Variants in NIM1K observed in about 807,000 individuals in gnomAD.
The protein encoded by NIM1K is NIM1 serine/threonine protein kinase.
A neutral mutation model predicts 37.1 loss-of-function variants in NIM1K; 35 were observed. The ratio of observed to expected loss-of-function variants is 0.94; its 90% CI spans 0.72 to 1.25. The LOEUF is 1.25. Ranked by LOEUF, NIM1K falls within the 50% of genes most tolerant of loss-of-function variation. The probability of loss-of-function intolerance (pLI) is 0.00; values close to 1 mark genes in which losing one functional copy is unlikely to be tolerated. For synonymous variants in NIM1K, 234 were observed against 206.6 expected (o/e 1.13, Z -1.14); for missense variants, 564 against 548.0 (o/e 1.03, Z -0.29).
At chr5:43,221,999 T>G (rs1391410389) in intron 1 of NIM1K, among the ~76,000 whole-genome samples, 2 of 152,218 alleles carry the variant, frequency 1.3e-5, no homozygotes, top group African/African-American at 2.4e-5. Context: ...CTGTGGTTAG[T>G]GCAGATCTTG....
intron 1 of NIM1K, among the ~76,000 whole-genome samples, chr5:43,202,905 T>C (rs948183478): frequency 1.3e-5 from 2 of 152,198 alleles, no homozygotes; most frequent in African/African-American, 4.8e-5. Context: ...AAAGCCTCAC[T>C]GCCACGCTCA....
intron 1 of NIM1K, among the ~76,000 whole-genome samples, chr5:43,236,606 G>A (rs17303482): frequency 0.041 from 6,181 of 152,302 alleles, 177 homozygotes; most frequent in Middle Eastern, 0.11. Context: ...GCCTCACCAC[G>A]CCAGGCATAG....
chr5:43,263,758 A>G (rs1194253762), intron 2 of NIM1K, among the ~76,000 whole-genome samples: 1 of 152,150 alleles, frequency 6.6e-6, no homozygotes, highest in Non-Finnish European at 1.5e-5. Flanking sequence ...GTGAGCATTT[A>G]ATGCTATAAA....
At chr5:43,271,736 G>C (rs775627293) in intron 2 of NIM1K, among the ~76,000 whole-genome samples, 1 of 152,090 alleles carries the variant, frequency 6.6e-6, no homozygotes, top group Non-Finnish European at 1.5e-5. Flanking sequence ...ACATAAATAG[G>C]TTGTTATATT....
intron 1 of NIM1K, among the ~76,000 whole-genome samples, chr5:43,203,501 TC>T (rs1752064431): frequency 6.6e-6 from 1 of 152,200 alleles, no homozygotes; most frequent in African/African-American, 2.4e-5. Flanking sequence ...GCATCACTTT[TC>T]TTTTTCTGTC....
intron 1 of NIM1K, among the ~76,000 whole-genome samples, chr5:43,205,188 T>C (rs1049780192): frequency 1.3e-5 from 2 of 152,288 alleles, no homozygotes; most frequent in East Asian, 1.9e-4. Context: ...GCAAGTGGAA[T>C]TGGGTGAAAC....
At chr5:43,206,785 A>G in intron 1 of NIM1K, 2 of 767,018 alleles carry the variant, frequency 2.6e-6, no homozygotes, top group Non-Finnish European at 4.9e-6. Context: ...AAAGGCCTCC[A>G]GTCCATTTTC....
At chr5:43,274,648 G>A (rs34379498) in intron 2 of NIM1K, among the ~76,000 whole-genome samples, 1,878 of 152,286 alleles carry the variant, frequency 0.012, 41 homozygotes, top group East Asian at 0.088. Context: ...GATTATTCAA[G>A]CCCCAGAGCA....
chr5:43,266,060 C>T (rs1417545865), intron 2 of NIM1K, among the ~76,000 whole-genome samples: 1 of 152,212 alleles, frequency 6.6e-6, no homozygotes, highest in Non-Finnish European at 1.5e-5. Flanking sequence ...TCAGGCTACT[C>T]AGGGGTCAGG....
At chr5:43,243,109 A>G (rs1290590417) in intron 1 of NIM1K, among the ~76,000 whole-genome samples, 2 of 152,124 alleles carry the variant, frequency 1.3e-5, no homozygotes, top group Non-Finnish European at 2.9e-5. Context: ...GCGCCCTCCT[A>G]GTGCTGATGT....
At chr5:43,228,527 T>A (rs1319986863) in intron 1 of NIM1K, among the ~76,000 whole-genome samples, 1 of 152,010 alleles carries the variant, frequency 6.6e-6, no homozygotes, top group Non-Finnish European at 1.5e-5. Context: ...AAACTCCAGT[T>A]TAAATTTATT....
chr5:43,208,189 T>C (rs1042557496), intron 1 of NIM1K, among the ~76,000 whole-genome samples: 17 of 152,190 alleles, frequency 1.1e-4, no homozygotes, highest in African/African-American at 4.1e-4. Context: ...AGGAAAGATC[T>C]TGATGGTGTT....
intron 2 of NIM1K, among the ~76,000 whole-genome samples, chr5:43,268,203 G>T (rs964596804): frequency 6.6e-6 from 1 of 152,106 alleles, no homozygotes; most frequent in African/African-American, 2.4e-5. Context: ...TTATATAATT[G>T]TAACCACCTA....
Position 43,201,122 on chromosome 5 carries a change from C to A in NIM1K, c.-695+8711C>A, listed in dbSNP as rs370282181. 9.1e-5 allele frequency among the ~76,000 whole-genome samples: 12 copies of A among 132,050 alleles called. No individual in the cohort carries two copies. In the East Asian group the frequency reaches 2.8e-3, roughly 31 times the overall value. 86.6% of individuals were successfully genotyped at this position (132,050 alleles called of 152,430 possible). ...CCTGGGCAACAGAGCCAGACAACAT[C>A]TCAAAAAAAAAAAAAAAAAATTCAT... On this transcript the variant is annotated intron_variant, in intron 1 of 3. Coordinates refer to ENST00000326035, the MANE Select transcript of NIM1K (RefSeq NM_153361.4).
chr5:43,266,014 G>T (rs779136273), intron 2 of NIM1K, among the ~76,000 whole-genome samples: 1 of 152,216 alleles, frequency 6.6e-6, no homozygotes, highest in Non-Finnish European at 1.5e-5. Context: ...ACCCAGCTGT[G>T]TGAGGCATCA....
chr5:43,238,236 G>T (rs1395197534), intron 1 of NIM1K, among the ~76,000 whole-genome samples: 2 of 151,778 alleles, frequency 1.3e-5, no homozygotes, highest in African/African-American at 4.9e-5. Flanking sequence ...TAGAGATGGG[G>T]TTTCACTGTG....
At position 43,273,987 on chromosome 5, in the gene NIM1K, G is replaced by A. The variant is rs373291283; in HGVS notation, c.293-3070G>A. Among the ~76,000 whole-genome samples the A allele has an allele frequency of 8.0e-4, 122 of 152,316 alleles. 3 individuals carry two copies. The South Asian group carries it at 0.024, about 29-fold the overall frequency. On this transcript the variant is annotated intron_variant, in intron 2 of 3. Transcript: ENST00000326035. Reference sequence around the variant, plus strand: ...TTGAAAGAGCAGATTTAGAGATCTAGCTCTTCATGGAATAGCAGTTTCTAC... The same window carrying A: ...TTGAAAGAGCAGATTTAGAGATCTAACTCTTCATGGAATAGCAGTTTCTAC...
At chr5:43,203,286 A>G (rs567691748) in intron 1 of NIM1K, among the ~76,000 whole-genome samples, 3 of 152,316 alleles carry the variant, frequency 2.0e-5, no homozygotes, top group East Asian at 1.9e-4. Flanking sequence ...GCCTCCCTAC[A>G]TATTTTGAGT....
chr5:43,263,544 T>C lies in NIM1K; in HGVS notation c.293-13513T>C, dbSNP rs1457453147. On this transcript the variant is annotated intron_variant, in intron 2 of 3. Coordinates refer to ENST00000326035, the MANE Select transcript of NIM1K (RefSeq NM_153361.4). Reference sequence around the variant, plus strand: ...GCTAGCAGTCTATCAATTTTGTTGATCTTTTCAAAAAAAAAACAGCTCTTG... The same window carrying C: ...GCTAGCAGTCTATCAATTTTGTTGACCTTTTCAAAAAAAAAACAGCTCTTG... Among the ~76,000 whole-genome samples, 17 of 151,402 alleles carry C rather than the reference T, an allele frequency of 1.1e-4. No individual in the cohort carries two copies. In the East Asian group the frequency reaches 2.9e-3, roughly 26 times the overall value.
Sources: allele counts gnomAD v4.1 joint callset (sites outside exome capture counted in the v4.1 genomes callset), GRCh38; gene constraint gnomAD v4.1.1; transcripts MANE v1.5; gene names NCBI Gene and HGNC (gene_info 2026-07-23, HGNC 2026-07-21).